The following ARHGEF12 variants were observed in gnomAD, a reference collection of about 807,000 sequenced individuals.
The protein encoded by ARHGEF12 is Rho guanine nucleotide exchange factor 12, also known as KMT2A/ARHGEF12 fusion protein.
ARHGEF12 carries 66 observed loss-of-function variants against 211.2 expected under a neutral mutation model. The ratio of observed to expected loss-of-function variants is 0.31; its 90% CI spans 0.26 to 0.38. The LOEUF is 0.38. ARHGEF12 is among the 10% of genes least tolerant of loss of function. The pLI is 1.00. For missense variants in ARHGEF12, 1,429 were observed against 1,869.5 expected (o/e 0.76, Z 4.34); for synonymous variants, 592 against 638.4 (o/e 0.93, Z 1.09).
At chr11:120,431,987 G>A (rs1945556556) in intron 11 of ARHGEF12, 76 bp downstream of exon 11, 1 of 1,405,212 alleles carries the variant, frequency 7.1e-7, no homozygotes, top group South Asian at 1.7e-5. Context: ...GATTTTAAGT[G>A]ATGTGAATTA....
intron 1 of ARHGEF12, among the ~76,000 whole-genome samples, chr11:120,383,686 G>A (rs564490152): frequency 1.4e-4 from 21 of 152,236 alleles, no homozygotes; most frequent in African/African-American, 5.1e-4. Context: ...GCGAGTGATG[G>A]GGAGCAGCTG....
At chr11:120,377,619 G>A (rs185163459) in intron 1 of ARHGEF12, among the ~76,000 whole-genome samples, 39 of 152,294 alleles carry the variant, frequency 2.6e-4, no homozygotes, top group Non-Finnish European at 4.3e-4. Flanking sequence ...ACAGGCATGA[G>A]CCACTATGCC....
intron 38 of ARHGEF12, among the ~76,000 whole-genome samples, chr11:120,481,022 T>C (rs1462432869): frequency 1.3e-5 from 2 of 152,208 alleles, no homozygotes; most frequent in African/African-American, 4.8e-5. Context: ...ATTTAGGCAC[T>C]GTAGTTTCCA....
At chr11:120,395,762 C>G (rs1944363151) in intron 1 of ARHGEF12, among the ~76,000 whole-genome samples, 1 of 151,520 alleles carries the variant, frequency 6.6e-6, no homozygotes, top group East Asian at 1.9e-4. Flanking sequence ...GGGAAAAGAC[C>G]CCCCCCCTTC....
intron 30 of ARHGEF12, among the ~76,000 whole-genome samples, chr11:120,472,332 A>AC (rs1375256065): frequency 6.6e-6 from 1 of 152,054 alleles, no homozygotes; most frequent in African/African-American, 2.4e-5. Flanking sequence ...TTTGCATAGA[A>AC]TTTTTCTCAA....
intron 21 of ARHGEF12, 173 bp from the exon 22 acceptor site, chr11:120,451,339 C>T (rs1394526393): frequency 7.3e-6 from 4 of 545,634 alleles, no homozygotes; most frequent in South Asian, 6.2e-5. Context: ...CCACCACGCC[C>T]AGCTAATTTT....
At chr11:120,386,876 A>G (rs1197086221) in intron 1 of ARHGEF12, among the ~76,000 whole-genome samples, 2 of 152,150 alleles carry the variant, frequency 1.3e-5, no homozygotes, top group Non-Finnish European at 2.9e-5. Flanking sequence ...ACCATAAGTA[A>G]CAAAGCCATG....
intron 38 of ARHGEF12, 65 bp from the exon 39 acceptor site, chr11:120,481,195 C>T: frequency 2.8e-6 from 4 of 1,451,560 alleles, no homozygotes; most frequent in Non-Finnish European, 3.8e-6. Context: ...TGTCAGCACA[C>T]TATGCTATTT....
At chr11:120,476,410 C>G (rs779604735) in intron 33 of ARHGEF12, 1 of 308,520 alleles carries the variant, frequency 3.2e-6, no homozygotes, top group Non-Finnish European at 5.9e-6. Flanking sequence ...AGCAAAGTTT[C>G]TAGTAAATTA....
chr11:120,422,683 C>A (rs1047273301), intron 6 of ARHGEF12, among the ~76,000 whole-genome samples: 1 of 152,046 alleles, frequency 6.6e-6, no homozygotes, highest in African/African-American at 2.4e-5. Flanking sequence ...GATACCTGAC[C>A]TGTATGCAAA....
intron 1 of ARHGEF12, among the ~76,000 whole-genome samples, chr11:120,401,360 A>G (rs1263635371): frequency 1.3e-5 from 2 of 152,224 alleles, no homozygotes. Context: ...TGGAGTCAGC[A>G]CTATGTGCTA....
intron 29 of ARHGEF12, among the ~76,000 whole-genome samples, chr11:120,468,415 C>T (rs1946768048): frequency 6.6e-6 from 1 of 152,168 alleles, no homozygotes; most frequent in African/African-American, 2.4e-5. Context: ...ATAGACATGA[C>T]ATAGCCTCAA....
At position 120,474,599 on chromosome 11, in the gene ARHGEF12, C is replaced by T; in HGVS notation, c.3073C>T (p.Pro1025Ser). ...AAAAAGGAAGATGATTCATGAAGGG[C>T]CATTGGTTTGGAAGGTGAATAGAGA... ...LTKRKMIHEG[P>S]LVWKVNRDKT... is the part of the protein sequence containing the mutation. The change falls in exon 32 of 41, where the codon CCA (proline) becomes TCA (serine). Residue 1025 changes from proline to serine, a missense_variant. Transcript: ENST00000397843. 1.2e-6 allele frequency: 2 copies of T among 1,612,036 alleles called. No individual in the cohort carries two copies. Among genetic ancestry groups the T allele is most frequent in the Non-Finnish European group, 1.7e-6 (2 of 1,179,498 alleles).
rs188433371 is a variant in ARHGEF12, at chr11:120,484,418, C to T, written c.4555-20C>T. On this transcript the variant is annotated intron_variant, in intron 39 of 40. Coordinates refer to ENST00000397843, the MANE Select transcript of ARHGEF12 (RefSeq NM_015313.3). ...GTTTCATTACGTTTGAATAAAAAAC[C>T]TATGGGTTTTATTTCACAGAAGGTG... 1.2e-6 allele frequency: 2 copies of T among 1,609,142 alleles called. No individual in the cohort carries two copies. Among genetic ancestry groups the T allele is most frequent in the Non-Finnish European group, 1.7e-6 (2 of 1,177,276 alleles).
At position 120,344,623 on chromosome 11, in the gene ARHGEF12, G is replaced by A. The variant is rs1241119992; in HGVS notation, c.32+7348G>A. 2.0e-5 allele frequency among the ~76,000 whole-genome samples: 3 copies of A among 152,174 alleles called. No individual in the cohort carries two copies. In the East Asian group the frequency reaches 5.8e-4, roughly 29 times the overall value. On this transcript the variant is annotated intron_variant, in intron 1 of 40. Transcript: ENST00000397843. ...CAGCCTATTTCCTGTTTTATTGGCT[G>A]TTTAGCAAGACCTTCTTAGGGCAAG...
chr11:120,489,097 G>A lies in ARHGEF12; in HGVS notation c.*4020G>A, dbSNP rs932599226. The A allele has an allele frequency of 8.9e-6, 2 of 223,640 alleles. No individual in the cohort carries two copies. Among genetic ancestry groups the A allele is most frequent in the Non-Finnish European group, 8.9e-6 (1 of 111,944 alleles). 13.9% of individuals were successfully genotyped at this position (223,640 alleles called of 1,614,324 possible). A position where few individuals can be genotyped will look rare whatever the true frequency, so the allele number is the denominator to read the frequency against. ...TTGTCCAAGTTATATTAGAAAAGTT[G>A]AGGAGTCGAGGAGCCTGTAATTAAT... On this transcript the variant is annotated 3_prime_UTR_variant, in exon 41 of 41. Coordinates refer to ENST00000397843, the MANE Select transcript of ARHGEF12 (RefSeq NM_015313.3).
intron 15 of ARHGEF12, among the ~76,000 whole-genome samples, chr11:120,442,427 T>TAC (rs59268139): frequency 0.024 from 3,514 of 143,970 alleles, 63 homozygotes; most frequent in Non-Finnish European, 0.028. Context: ...TATATATATA[T>TAC]ACACACACAC....
intron 1 of ARHGEF12, among the ~76,000 whole-genome samples, chr11:120,377,359 T>A (rs953987594): frequency 7.9e-5 from 12 of 152,146 alleles, no homozygotes; most frequent in African/African-American, 2.4e-4. Context: ...TTTTTTTTTT[T>A]AAAGACAGTC....
chr11:120,379,570 A>G (rs1943822675), intron 1 of ARHGEF12, among the ~76,000 whole-genome samples: 1 of 151,238 alleles, frequency 6.6e-6, no homozygotes, highest in Admixed American at 6.6e-5. Flanking sequence ...TTCTATTCCT[A>G]GCTTGTAAGA....
Sources: allele counts gnomAD v4.1 joint callset (sites outside exome capture counted in the v4.1 genomes callset), GRCh38; gene constraint gnomAD v4.1.1; transcripts MANE v1.5; gene names NCBI Gene and HGNC (gene_info 2026-07-23, HGNC 2026-07-21).